The following SPOCK3 variants were observed in gnomAD, a reference collection of about 807,000 sequenced individuals.
The protein encoded by SPOCK3 is testican-3.
A neutral mutation model predicts 56.6 loss-of-function variants in SPOCK3; 30 were observed. That is an observed-to-expected ratio of 0.53 (90% CI 0.40 to 0.72). The LOEUF (loss-of-function observed/expected upper bound fraction) is 0.72, where lower values mean the gene tolerates loss of function less well. Ranked by LOEUF, SPOCK3 falls within the 30% of genes least tolerant of loss-of-function variation. The pLI, the probability that SPOCK3 is intolerant of heterozygous loss-of-function variation, is 0.00. For synonymous variants in SPOCK3, 196 were observed against 183.3 expected (o/e 1.07, Z -0.56); for missense variants, 527 against 530.0 (o/e 0.99, Z 0.06).
chr4:166,820,639 A>G (rs574760931), intron 6 of SPOCK3, among the ~76,000 whole-genome samples: 2 of 152,122 alleles, frequency 1.3e-5, no homozygotes, highest in East Asian at 3.9e-4. Context: ...AGCCTGGGCA[A>G]CATGGCAAAA....
intron 2 of SPOCK3, among the ~76,000 whole-genome samples, chr4:167,151,277 G>C (rs1424360897): frequency 6.6e-6 from 1 of 152,162 alleles, no homozygotes; most frequent in Non-Finnish European, 1.5e-5. Context: ...CTAAGGTTTT[G>C]CATAGCATCC....
chr4:167,030,771 T>C (rs1752200301), intron 3 of SPOCK3, among the ~76,000 whole-genome samples: 1 of 152,022 alleles, frequency 6.6e-6, no homozygotes, highest in Non-Finnish European at 1.5e-5. Context: ...TAGGTAAGAA[T>C]CCTACCTTAC....
chr4:166,896,651 C>T (rs1011004915), intron 5 of SPOCK3, among the ~76,000 whole-genome samples: 1 of 152,174 alleles, frequency 6.6e-6, no homozygotes, highest in Admixed American at 6.5e-5. Flanking sequence ...ATGAGACTGC[C>T]TTCCTCAATG....
intron 3 of SPOCK3, 55 bp downstream of exon 3, chr4:167,062,437 G>T: frequency 1.5e-6 from 2 of 1,330,836 alleles, no homozygotes; most frequent in East Asian, 2.3e-5. Flanking sequence ...ATTTCTAAAA[G>T]TACAATGATT....
intron 2 of SPOCK3, among the ~76,000 whole-genome samples, chr4:167,181,886 CTA>C (rs903428900): frequency 1.3e-5 from 2 of 151,996 alleles, no homozygotes; most frequent in African/African-American, 4.8e-5. Flanking sequence ...ATTTTTGTTC[CTA>C]TGTGTCTTCT....
chr4:166,808,791 T>A (rs1444366960), intron 6 of SPOCK3, among the ~76,000 whole-genome samples: 2 of 152,082 alleles, frequency 1.3e-5, no homozygotes, highest in Non-Finnish European at 2.9e-5. Flanking sequence ...CATTTCTAAG[T>A]CTTGTCTATA....
intron 5 of SPOCK3, among the ~76,000 whole-genome samples, chr4:166,895,451 G>A (rs7679810): frequency 0.73 from 109,779 of 151,282 alleles, 39,991 homozygotes; most frequent in South Asian, 0.79. Flanking sequence ...TGTAAAAAAA[G>A]AATGCAAGTA....
chr4:167,043,374 A>AT (rs1753404801), intron 3 of SPOCK3, among the ~76,000 whole-genome samples: 1 of 151,844 alleles, frequency 6.6e-6, no homozygotes, highest in Non-Finnish European at 1.5e-5. Context: ...TTGTTTTAGG[A>AT]TTTTCTACAT....
At chr4:167,049,130 G>T (rs535316157) in intron 3 of SPOCK3, among the ~76,000 whole-genome samples, 1 of 149,098 alleles carries the variant, frequency 6.7e-6, no homozygotes, top group Admixed American at 6.7e-5. Flanking sequence ...TTGAGACAGA[G>T]TTTTGCTCTT....
chr4:167,213,002 C>G (rs952233681), intron 2 of SPOCK3, among the ~76,000 whole-genome samples: 1 of 152,246 alleles, frequency 6.6e-6, no homozygotes, highest in Non-Finnish European at 1.5e-5. Context: ...TGGCCACTAC[C>G]CCGTCTGTAG....
At chr4:166,810,083 T>C (rs1222516505) in intron 6 of SPOCK3, among the ~76,000 whole-genome samples, 1 of 152,116 alleles carries the variant, frequency 6.6e-6, no homozygotes, top group African/African-American at 2.4e-5. Flanking sequence ...TATCTTCTCC[T>C]CTGCCAATAT....
intron 5 of SPOCK3, among the ~76,000 whole-genome samples, chr4:166,907,348 T>C (rs1394515007): frequency 2.0e-5 from 3 of 152,084 alleles, no homozygotes; most frequent in African/African-American, 7.2e-5. Context: ...CAATGTACCC[T>C]GTGTTCTCTT....
At chr4:166,993,996 T>G (rs1332645968) in intron 4 of SPOCK3, among the ~76,000 whole-genome samples, 1 of 152,166 alleles carries the variant, frequency 6.6e-6, no homozygotes, top group Non-Finnish European at 1.5e-5. Flanking sequence ...TCAAAGTCAT[T>G]CTGGAGAAAT....
At chr4:166,775,354 C>G (rs1739411041) in intron 7 of SPOCK3, among the ~76,000 whole-genome samples, 1 of 152,124 alleles carries the variant, frequency 6.6e-6, no homozygotes, top group Non-Finnish European at 1.5e-5. Flanking sequence ...TCAAGGATGG[C>G]TTCCAGGTGT....
chr4:167,008,825 G>C (rs973944966), intron 3 of SPOCK3, among the ~76,000 whole-genome samples: 23 of 152,030 alleles, frequency 1.5e-4, no homozygotes, highest in Non-Finnish European at 3.1e-4. Context: ...ACAATAGACA[G>C]TGGGGACTCC....
Position 166,734,841 on chromosome 4 carries a change from G to T in SPOCK3, c.*80C>A. On this transcript the variant is annotated 3_prime_UTR_variant, in exon 11 of 11. Coordinates refer to ENST00000357545, the MANE Select transcript of SPOCK3 (RefSeq NM_001040159.2). ...GAGGTTTAGAATCATTTTGTTATTG[G>T]GGAAGAAGATAATTTTAAATAGGCT... is the stretch of plus-strand genomic sequence containing the variant. 3 of 1,142,832 alleles carry T rather than the reference G, an allele frequency of 2.6e-6. No individual in the cohort carries two copies. Among genetic ancestry groups the T allele is most frequent in the Admixed American group, 5.4e-5 (2 of 37,008 alleles). 70.8% of individuals were successfully genotyped at this position (1,142,832 alleles called of 1,614,324 possible).
At chr4:166,990,674 C>A (rs1747687503) in intron 4 of SPOCK3, among the ~76,000 whole-genome samples, 2 of 151,912 alleles carry the variant, frequency 1.3e-5, no homozygotes, top group Admixed American at 1.3e-4. Context: ...CTAATTTACC[C>A]AAAATGTTGA....
chr4:167,162,127 ACCCTTTTGTCTAATCACACTT>A (rs1168330257), intron 2 of SPOCK3, among the ~76,000 whole-genome samples: 1 of 152,016 alleles, frequency 6.6e-6, no homozygotes. Context: ...ATTAGGTCAT[ACCCTTTTGTCTAATCACACTT>A]CTCCCTGACT....
At chr4:167,037,674 C>A (rs1331519364) in intron 3 of SPOCK3, among the ~76,000 whole-genome samples, 1 of 152,112 alleles carries the variant, frequency 6.6e-6, no homozygotes, top group Non-Finnish European at 1.5e-5. Context: ...TTCTGCATTG[C>A]TGGGGCCAAA....
Sources: gnomAD v4.1 joint callset for allele counts (sites outside exome capture counted in the v4.1 genomes callset) on GRCh38, gnomAD v4.1.1 for gene constraint, MANE v1.5 for transcripts, NCBI Gene and HGNC (gene_info 2026-07-23, HGNC 2026-07-21) for gene names.